NR6A1: variants seen among roughly 807,000 people sequenced by gnomAD.
NR6A1 encodes the protein retinoic acid receptor-related testis-associated receptor.
NR6A1 carries 7 observed loss-of-function variants against 59.1 expected under a neutral mutation model. The observed-to-expected ratio is 0.12, with a 90% CI of 0.07 to 0.22. The LOEUF (loss-of-function observed/expected upper bound fraction) is 0.22. Ranked by LOEUF, NR6A1 falls within the 10% of genes least tolerant of loss-of-function variation. The pLI is 1.00. For synonymous variants in NR6A1, 243 were observed against 236.1 expected (o/e 1.03, Z -0.27); for missense variants, 468 against 611.6 (o/e 0.77, Z 2.48).
At chr9:124,657,957 A>G (rs1837312657) in intron 2 of NR6A1, among the ~76,000 whole-genome samples, 1 of 152,174 alleles carries the variant, frequency 6.6e-6, no homozygotes, top group South Asian at 2.1e-4. Context: ...TTTTTACCTT[A>G]TCAAACCTAT....
chr9:124,689,734 T>A (rs549904011), intron 2 of NR6A1, among the ~76,000 whole-genome samples: 6 of 152,200 alleles, frequency 3.9e-5, no homozygotes, highest in Non-Finnish European at 8.8e-5. Context: ...ATTAGCCCCC[T>A]TTCTCTGTCT....
intron 1 of NR6A1, among the ~76,000 whole-genome samples, chr9:124,755,518 TC>T (rs1840608885): frequency 6.6e-6 from 1 of 152,202 alleles, no homozygotes; most frequent in East Asian, 1.9e-4. Context: ...GCTGGACTCT[TC>T]AGGGATTTAT....
intron 2 of NR6A1, among the ~76,000 whole-genome samples, chr9:124,569,645 A>G (rs1834382289): frequency 2.0e-5 from 3 of 152,214 alleles, no homozygotes; most frequent in African/African-American, 7.2e-5. Flanking sequence ...GACTGACTCC[A>G]ATCAGTTTCA....
intron 2 of NR6A1, among the ~76,000 whole-genome samples, chr9:124,590,305 G>A (rs553571486): frequency 6.6e-6 from 1 of 151,376 alleles, no homozygotes; most frequent in African/African-American, 2.4e-5. Context: ...CATACATTTG[G>A]AAGAGCAAAT....
At chr9:124,601,255 G>C (rs548051394) in intron 2 of NR6A1, among the ~76,000 whole-genome samples, 1 of 151,980 alleles carries the variant, frequency 6.6e-6, no homozygotes, top group Non-Finnish European at 1.5e-5. Context: ...TAACCTGGCC[G>C]ACAGAGCGAG....
At chr9:124,560,880 A>T (rs1019574736) in intron 2 of NR6A1, among the ~76,000 whole-genome samples, 1 of 151,960 alleles carries the variant, frequency 6.6e-6, no homozygotes, top group African/African-American at 2.4e-5. Flanking sequence ...TTTTTAACAA[A>T]CTTTAAACTT....
chr9:124,730,448 C>CA (rs1331474504), intron 2 of NR6A1, among the ~76,000 whole-genome samples: 1 of 151,728 alleles, frequency 6.6e-6, no homozygotes, highest in Non-Finnish European at 1.5e-5. Context: ...AGGCTGGTCT[C>CA]AAACTCCTGA....
intron 3 of NR6A1, among the ~76,000 whole-genome samples, chr9:124,549,659 A>G (rs1833710183): frequency 6.6e-6 from 1 of 152,230 alleles, no homozygotes; most frequent in South Asian, 2.1e-4. Flanking sequence ...AGCCCCAGCC[A>G]CAAATGGCAG....
intron 7 of NR6A1, among the ~76,000 whole-genome samples, chr9:124,528,736 C>T (rs1029516215): frequency 2.6e-5 from 4 of 151,540 alleles, no homozygotes; most frequent in African/African-American, 9.7e-5. Flanking sequence ...AAAAACCAAA[C>T]CAACCAACCA....
At chr9:124,734,406 C>G (rs1243768795) in intron 1 of NR6A1, among the ~76,000 whole-genome samples, 1 of 152,176 alleles carries the variant, frequency 6.6e-6, no homozygotes, top group African/African-American at 2.4e-5. Flanking sequence ...AATATCGGAT[C>G]TTGGTGCCGG....
rs767495116 is a variant in NR6A1 at position 124,554,553 on chromosome 9, G to A, written c.160C>T (p.Arg54Trp). The A allele has an allele frequency of 3.1e-6, 5 of 1,614,134 alleles. No individual in the cohort carries two copies. In the South Asian group the frequency reaches 3.3e-5, roughly 11 times the overall value. Residue 54 changes from arginine (R) to tryptophan (W), a missense_variant, in exon 3 of 10, where the codon CGG becomes TGG. Physicochemically the swap from Arg to Trp is moderately radical, Grantham distance 101. Around this residue, in one of 4 missense-constraint regions of NR6A1, gnomAD observed 66 missense variants for 139.2 expected, o/e 0.47. Coordinates refer to ENST00000487099, the MANE Select transcript of NR6A1 (RefSeq NM_033334.4). ...DPGTISVSDD[R>W]AEQRTCLICG... ...ATGAGACAGGTTCGTTGTTCAGCCCGATCATCTGAAACAGAAACTGATCAT... is the reference window on the plus strand; with the variant it reads ...ATGAGACAGGTTCGTTGTTCAGCCCAATCATCTGAAACAGAAACTGATCAT...
At chr9:124,744,628 C>A (rs927872019) in intron 1 of NR6A1, among the ~76,000 whole-genome samples, 4 of 152,188 alleles carry the variant, frequency 2.6e-5, no homozygotes, top group African/African-American at 9.7e-5. Flanking sequence ...AAGAAGAATA[C>A]CACACCTTAC....
intron 2 of NR6A1, among the ~76,000 whole-genome samples, chr9:124,651,305 C>T (rs1837096717): frequency 6.6e-6 from 1 of 152,164 alleles, no homozygotes; most frequent in African/African-American, 2.4e-5. Flanking sequence ...GTGATCCGTC[C>T]ACCTCGGCCT....
rs367694090 is a variant in NR6A1 at position 124,748,627 on chromosome 9, G to A, written c.101-15278C>T. Among the ~76,000 whole-genome samples the A allele has an allele frequency of 1.3e-3, 188 of 150,132 alleles. 2 individuals carry two copies. Among genetic ancestry groups the A allele is most frequent in the African/African-American group, 4.0e-3 (164 of 40,848 alleles). ...TGTAATCCCAGCACTTTGGGAGGCC[G>A]AGGCAGGCAGATCACGAGGTCAGGA... On this transcript the variant is annotated intron_variant, in intron 1 of 9. Transcript: ENST00000487099.
chr9:124,655,121 A>T (rs747914899), intron 2 of NR6A1, among the ~76,000 whole-genome samples: 1 of 152,222 alleles, frequency 6.6e-6, no homozygotes, highest in Non-Finnish European at 1.5e-5. Context: ...TCCTCTGAGC[A>T]TCCATTCATG....
intron 2 of NR6A1, among the ~76,000 whole-genome samples, chr9:124,719,441 CA>C (rs986088235): frequency 5.9e-5 from 9 of 152,102 alleles, no homozygotes; most frequent in African/African-American, 2.2e-4. Flanking sequence ...TGCACATTAT[CA>C]GTTTTAATAG....
chr9:124,606,670 A>C (rs1835583914), intron 2 of NR6A1, among the ~76,000 whole-genome samples: 1 of 152,214 alleles, frequency 6.6e-6, no homozygotes, highest in Non-Finnish European at 1.5e-5. Flanking sequence ...GTTATTGATT[A>C]AATAAGTATA....
At chr9:124,570,066 T>C (rs1834392806) in intron 2 of NR6A1, among the ~76,000 whole-genome samples, 1 of 152,240 alleles carries the variant, frequency 6.6e-6, no homozygotes, top group South Asian at 2.1e-4. Flanking sequence ...TTTCCTTTTG[T>C]TCCTAAGCAG....
chr9:124,626,709 G>C (rs1836252405), intron 2 of NR6A1, among the ~76,000 whole-genome samples: 1 of 152,178 alleles, frequency 6.6e-6, no homozygotes, highest in South Asian at 2.1e-4. Context: ...GCCGAGGTGG[G>C]TGGATCACGG....
Sources: gnomAD v4.1 joint callset for allele counts (sites outside exome capture counted in the v4.1 genomes callset) on GRCh38, gnomAD v4.1.1 for gene constraint, gnomAD v4.1.1 regional missense constraint, MANE v1.5 for transcripts, NCBI Gene and HGNC (gene_info 2026-07-23, HGNC 2026-07-21) for gene names.